The following TAFA1 variants were observed in gnomAD, a reference collection of about 807,000 sequenced individuals.
TAFA1 encodes TAFA chemokine like family member 1.
Under a neutral mutation model 18.5 loss-of-function variants are expected in TAFA1, and 4 were observed. The ratio of observed to expected loss-of-function variants is 0.22; its 90% CI spans 0.11 to 0.49. TAFA1 has a LOEUF of 0.49. Ranked by LOEUF, TAFA1 falls within the 20% of genes least tolerant of loss-of-function variation. The pLI is 0.98. For missense variants in TAFA1, 147 were observed against 169.0 expected, an observed-to-expected ratio of 0.87 and a Z score of 0.72; for synonymous variants, 56 against 55.2, an observed-to-expected ratio of 1.01 and a Z score of -0.06.
intron 2 of TAFA1, among the ~76,000 whole-genome samples, chr3:68,117,210 C>T (rs774255332): frequency 1.9e-4 from 29 of 152,154 alleles, no homozygotes; most frequent in Non-Finnish European, 3.7e-4. Flanking sequence ...CTTCATTTTC[C>T]CTTGGAGCCA....
chr3:68,332,668 G>A (rs1432998874), intron 2 of TAFA1, among the ~76,000 whole-genome samples: 2 of 152,162 alleles, frequency 1.3e-5, no homozygotes, highest in African/African-American at 4.8e-5. Context: ...TATGTGGAAA[G>A]GTACTCAACA....
intron 2 of TAFA1, among the ~76,000 whole-genome samples, chr3:68,058,666 G>A (rs1399794985): frequency 6.6e-6 from 1 of 152,118 alleles, no homozygotes; most frequent in African/African-American, 2.4e-5. Flanking sequence ...TTCTTAAAAC[G>A]ATACACAAAG....
chr3:68,494,880 A>G (rs939170491), intron 3 of TAFA1, among the ~76,000 whole-genome samples: 3 of 152,238 alleles, frequency 2.0e-5, no homozygotes, highest in South Asian at 2.1e-4. Context: ...AAAATGATCA[A>G]TTTTGTTTAA....
At chr3:68,490,620 CATAAA>C (rs1424504186) in intron 3 of TAFA1, among the ~76,000 whole-genome samples, 2 of 151,914 alleles carry the variant, frequency 1.3e-5, no homozygotes, top group African/African-American at 2.4e-5. Context: ...ATTTAAAAAT[CATAAA>C]ATAAGCCACT....
intron 2 of TAFA1, among the ~76,000 whole-genome samples, chr3:68,412,623 T>G (rs936096926): frequency 6.6e-6 from 1 of 152,094 alleles, no homozygotes; most frequent in Non-Finnish European, 1.5e-5. Flanking sequence ...GAGAACATGC[T>G]GTGTTTGGTT....
At chr3:68,096,512 T>C (rs1553640769) in intron 2 of TAFA1, among the ~76,000 whole-genome samples, 1 of 152,150 alleles carries the variant, frequency 6.6e-6, no homozygotes, top group Non-Finnish European at 1.5e-5. Flanking sequence ...TAAGAATGCT[T>C]TGGATACATC....
At chr3:68,370,468 GT>G (rs2069674114) in intron 2 of TAFA1, among the ~76,000 whole-genome samples, 1 of 16,616 alleles carries the variant, frequency 6.0e-5, no homozygotes, top group East Asian at 3.1e-3. Context: ...GTGTGTGTGT[GT>G]GTGTATATAT....
intron 2 of TAFA1, among the ~76,000 whole-genome samples, chr3:68,188,137 G>C (rs1367192541): frequency 6.6e-6 from 1 of 151,736 alleles, no homozygotes; most frequent in African/African-American, 2.4e-5. Context: ...TTCCTTCCTT[G>C]CTTTTGAAAT....
At chr3:68,284,099 A>G (rs1396696618) in intron 2 of TAFA1, among the ~76,000 whole-genome samples, 1 of 152,200 alleles carries the variant, frequency 6.6e-6, no homozygotes, top group African/African-American at 2.4e-5. Flanking sequence ...TTATTTTGAA[A>G]GACAGAAGAA....
intron 2 of TAFA1, among the ~76,000 whole-genome samples, chr3:68,158,607 T>C (rs2065891187): frequency 6.6e-6 from 1 of 152,048 alleles, no homozygotes; most frequent in South Asian, 2.1e-4. Context: ...GAATATAAGG[T>C]ACAGTCATTG....
rs931074939 is a variant in TAFA1 at position 68,087,548 on chromosome 3, C to T, written c.118+80804C>T. On this transcript the variant is annotated intron_variant, in intron 2 of 4. Coordinates refer to ENST00000478136, the MANE Select transcript of TAFA1 (RefSeq NM_213609.4). ...CCTCCCTCCCTCCCTCCCTCCTTCC[C>T]TCCCTCCTTCCCTCCCTCCCTCCTT... Among the ~76,000 whole-genome samples the T allele has an allele frequency of 3.7e-5, 5 of 136,392 alleles. No homozygotes were observed. The South Asian group carries it at 8.4e-4, about 23-fold the overall frequency. The allele number at this position is 136,392 out of a possible 152,430, so 89.5% of individuals were successfully genotyped here.
intron 2 of TAFA1, among the ~76,000 whole-genome samples, chr3:68,176,357 C>G (rs965924798): frequency 2.1e-4 from 32 of 152,134 alleles, no homozygotes; most frequent in African/African-American, 7.7e-4. Context: ...TGTCAAGTCC[C>G]TGTGGTCCTA....
At chr3:68,105,609 A>T (rs141802194) in intron 2 of TAFA1, among the ~76,000 whole-genome samples, 2 of 152,204 alleles carry the variant, frequency 1.3e-5, no homozygotes, top group Admixed American at 1.3e-4. Flanking sequence ...ACTTTGTTTA[A>T]TCTAAAGCAG....
At chr3:68,434,819 G>A (rs2071241976) in intron 3 of TAFA1, among the ~76,000 whole-genome samples, 1 of 152,066 alleles carries the variant, frequency 6.6e-6, no homozygotes, top group Non-Finnish European at 1.5e-5. Flanking sequence ...TGCATTGTCT[G>A]TGGAATTCAA....
chr3:68,212,747 A>G (rs2066611582), intron 2 of TAFA1, among the ~76,000 whole-genome samples: 1 of 152,028 alleles, frequency 6.6e-6, no homozygotes, highest in Admixed American at 6.6e-5. Flanking sequence ...AAGGCCAGCC[A>G]AGGTGAAAAG....
At chr3:68,189,431 G>A (rs1232734836) in intron 2 of TAFA1, among the ~76,000 whole-genome samples, 1 of 151,754 alleles carries the variant, frequency 6.6e-6, no homozygotes, top group Non-Finnish European at 1.5e-5. Context: ...CTGCTTAAAT[G>A]TCAGCTCTGG....
chr3:68,177,564 G>A (rs115009528), intron 2 of TAFA1, among the ~76,000 whole-genome samples: 3 of 152,030 alleles, frequency 2.0e-5, no homozygotes, highest in African/African-American at 7.2e-5. Context: ...TGTCATCTTG[G>A]GTACAAGTTT....
intron 2 of TAFA1, among the ~76,000 whole-genome samples, chr3:68,210,970 C>T (rs1343716822): frequency 6.6e-6 from 1 of 151,980 alleles, no homozygotes; most frequent in Non-Finnish European, 1.5e-5. Flanking sequence ...ACAACCCACA[C>T]ACTTAACTTG....
intron 2 of TAFA1, among the ~76,000 whole-genome samples, chr3:68,052,932 G>T (rs965190055): frequency 6.6e-6 from 1 of 152,124 alleles, no homozygotes; most frequent in Admixed American, 6.5e-5. Flanking sequence ...ATCTCTACTG[G>T]ACAATATTCA....
Sources: allele counts gnomAD v4.1 joint callset (sites outside exome capture counted in the v4.1 genomes callset), GRCh38; gene constraint gnomAD v4.1.1; transcripts MANE v1.5; gene names NCBI Gene and HGNC (gene_info 2026-07-23, HGNC 2026-07-21).